Variants in LPAR2 observed in about 807,000 individuals in gnomAD.
LPAR2 encodes lysophosphatidic acid receptor 2, also known as G protein-coupled receptor.
LPAR2 carries 10 observed loss-of-function variants against 15.6 expected under a neutral mutation model. The ratio of observed to expected loss-of-function variants is 0.64; its 90% CI spans 0.39 to 1.09. The LOEUF (loss-of-function observed/expected upper bound fraction) is 1.09, where lower values mean the gene tolerates loss of function less well. LPAR2 is among the 50% of genes least tolerant of loss of function. The probability of loss-of-function intolerance (pLI) is 0.01; values close to 1 mark genes in which losing one functional copy is unlikely to be tolerated. For synonymous variants in LPAR2, 204 were observed against 207.4 expected (o/e 0.98, Z 0.14); for missense variants, 413 against 484.6 (o/e 0.85, Z 1.39).
chr19:19,626,754 G>T lies in LPAR2; in HGVS notation c.531C>A (p.Arg177=). ...TGAGCAGGGGTGCCATGCGTGAGCA[G>T]CGGTCCAGGGCACAGAGGCAGTGCC... is the stretch of plus-strand genomic sequence containing the variant. The change falls in exon 2 of 3, where the codon CGC becomes CGA. Residue 177 remains arginine (R), a synonymous_variant. Transcript: ENST00000407877. This position sits in a 1 kb window ranked among gnomAD's most constrained non-coding sequence, Gnocchi z 5.3. 6.2e-7 allele frequency: 1 copy of T among 1,612,204 alleles called. No individual in the cohort carries two copies. Among genetic ancestry groups the T allele is most frequent in the Non-Finnish European group, 8.5e-7 (1 of 1,179,448 alleles).
chr19:19,624,063 G>C lies in LPAR2; in HGVS notation c.*193C>G. 1 of 628,622 alleles carries C rather than the reference G, an allele frequency of 1.6e-6. No individual in the cohort carries two copies. 38.9% of individuals were successfully genotyped at this position (628,622 alleles called of 1,614,324 possible). On this transcript the variant is annotated 3_prime_UTR_variant, in exon 3 of 3. Transcript: ENST00000407877. ...ACCCCATCTGACTCCCCCAGGCAGT[G>C]GGAGATGACCCAAAGCCCCCATTCC...
chr19:19,627,175 G>A lies in LPAR2; in HGVS notation c.110C>T (p.Ala37Val). The change falls in exon 2 of 3, where the codon GCA becomes GTA. Residue 37 changes from alanine to valine, a missense_variant. Transcript: ENST00000407877. The surrounding 1 kb of genome is among the most constrained non-coding windows in gnomAD (Gnocchi z 4.7). ...CAGCACGCTGACGGTCAGCCCCAGT[G>A]CCACCACGACCACATCCTTGGGCCG... 1 of 1,613,196 alleles carries A rather than the reference G, an allele frequency of 6.2e-7. No homozygotes were observed. Among genetic ancestry groups the A allele is most frequent in the African/African-American group, 1.3e-5 (1 of 75,060 alleles).
Position 19,627,571 on chromosome 19 carries a change from G to T in LPAR2, c.1-287C>A, listed in dbSNP as rs899234134. On this transcript the variant is annotated intron_variant, in intron 1 of 2. Coordinates refer to ENST00000407877, the MANE Select transcript of LPAR2 (RefSeq NM_004720.7). This position sits in a 1 kb window ranked among gnomAD's most constrained non-coding sequence, Gnocchi z 4.7. ...AGAAGTGAAACAAAACCCATCTATG[G>T]TCGAATCCCAGCCCACCTGCCGCCA... is the stretch of plus-strand genomic sequence containing the variant. The T allele has an allele frequency of 3.8e-5, 15 of 399,660 alleles. No individual in the cohort carries two copies. The highest frequency in any genetic ancestry group is 6.5e-5 in the Non-Finnish European group (14 of 216,690). The allele number at this position is 399,660 out of a possible 1,614,324, so 24.8% of individuals were successfully genotyped here.
chr19:19,627,001 C>G lies in LPAR2; in HGVS notation c.284G>C (p.Arg95Pro). Residue 95 changes from arginine to proline, a missense_variant, in exon 2 of 3, where the codon CGC becomes CCC. Arg to Pro is a moderately radical substitution (Grantham distance 103). Coordinates refer to ENST00000407877, the MANE Select transcript of LPAR2 (RefSeq NM_004720.7). This position sits in a 1 kb window ranked among gnomAD's most constrained non-coding sequence, Gnocchi z 4.7. ...GCCCTCAAGTGAAAGTCGGGCTGTG[C>G]GGGGACCAGTGTGGAACATGAGGAA... is the stretch of plus-strand genomic sequence containing the variant. 1.2e-6 allele frequency: 2 copies of G among 1,613,490 alleles called. No homozygotes were observed. The highest frequency in any genetic ancestry group is 1.7e-6 in the Non-Finnish European group (2 of 1,179,888).
Position 19,624,432 on chromosome 19 carries a change from C to T in LPAR2, c.880G>A (p.Val294Met). Residue 294 changes from valine to methionine, a missense_variant, in exon 3 of 3, where the codon GTG becomes ATG. Coordinates refer to ENST00000407877, the MANE Select transcript of LPAR2 (RefSeq NM_004720.7). ...ATCTCAGCATCTCGGCAAGAGTACA[C>T]AGCAGCATTGACCAGGGAGTTGGCC... 3 of 1,614,190 alleles carry T rather than the reference C, an allele frequency of 1.9e-6. No individual in the cohort carries two copies. The highest frequency in any genetic ancestry group is 2.5e-6 in the Non-Finnish European group (3 of 1,180,032).
Position 19,624,369 on chromosome 19 carries a change from G to A in LPAR2, c.943C>T (p.Leu315Phe). 26 of 1,614,226 alleles carry A rather than the reference G, an allele frequency of 1.6e-5. No homozygotes were observed. The highest frequency in any genetic ancestry group is 2.1e-5 in the Non-Finnish European group (25 of 1,180,046). The change falls in exon 3 of 3, where the codon CTC becomes TTC. Residue 315 changes from leucine to phenylalanine, a missense_variant. Leu to Phe is a conservative substitution (Grantham distance 22, BLOSUM62 0). Transcript: ENST00000407877. Reference sequence around the variant, plus strand: ...ACAGACTCGCGGGTGGACTGGCGGAGGCACGCGCAGCAGAGAAGGCGGCGG... The same window carrying A: ...ACAGACTCGCGGGTGGACTGGCGGAAGCACGCGCAGCAGAGAAGGCGGCGG...
chr19:19,625,177 CACG>C (rs2061733849), intron 2 of LPAR2, among the ~76,000 whole-genome samples: 1 of 151,898 alleles, frequency 6.6e-6, no homozygotes, highest in Non-Finnish European at 1.5e-5. Context: ...AGTGCAGTGG[CACG>C]ATCACACCTC....
Position 19,626,572 on chromosome 19 carries a change from C to A in LPAR2, c.713G>T (p.Ser238Ile). ...GATGATGACAACAGTCTTGACCAGGCTGAGCGTGGTCTCTCGGTAGCGGGG... is the reference window on the plus strand; with the variant it reads ...GATGATGACAACAGTCTTGACCAGGATGAGCGTGGTCTCTCGGTAGCGGGG... The change falls in exon 2 of 3, where the codon AGC (serine) becomes ATC (isoleucine). Residue 238 changes from serine to isoleucine, a missense_variant. Transcript: ENST00000407877. This position sits in a 1 kb window ranked among gnomAD's most constrained non-coding sequence, Gnocchi z 5.3. 6.2e-7 allele frequency: 1 copy of A among 1,610,920 alleles called. No homozygotes were observed. The highest frequency in any genetic ancestry group is 1.1e-5 in the South Asian group (1 of 90,730).
chr19:19,627,334 G>A lies in LPAR2; in HGVS notation c.1-50C>T, dbSNP rs1369148224. ...TGTGGCACTTCTTGGAAGGACACAG[G>A]GAGGGGCGGCAGCTGCAGAGGAGGG... On this transcript the variant is annotated intron_variant, in intron 1 of 2. Transcript: ENST00000407877. The surrounding 1 kb of genome is among the most constrained non-coding windows in gnomAD (Gnocchi z 4.7). 9.0e-6 allele frequency: 14 copies of A among 1,556,624 alleles called. No homozygotes were observed. Among genetic ancestry groups the A allele is most frequent in the Middle Eastern group, 1.7e-4 (1 of 5,858 alleles).
At position 19,626,642 on chromosome 19, in the gene LPAR2, C is replaced by T. The variant is rs745620686; in HGVS notation, c.643G>A (p.Val215Met). ...GCCATGCGCTGCACTCGCCGCCGCA[C>T]GTAGAAGAAAATGCGGGTGTACACA... is the stretch of plus-strand genomic sequence containing the variant. The change falls in exon 2 of 3, where the codon GTG (valine) becomes ATG (methionine). Residue 215 changes from valine to methionine, a missense_variant. Transcript: ENST00000407877. This position sits in a 1 kb window ranked among gnomAD's most constrained non-coding sequence, Gnocchi z 5.3. 5.0e-6 allele frequency: 8 copies of T among 1,613,376 alleles called. No homozygotes were observed. In the East Asian group the frequency reaches 1.1e-4, roughly 22 times the overall value.
rs1218447283 is a variant in LPAR2, at chr19:19,623,933, A to G, written c.*323T>C. 24 of 340,186 alleles carry G rather than the reference A, an allele frequency of 7.1e-5. No homozygotes were observed. The highest frequency in any genetic ancestry group is 9.3e-5 in the Non-Finnish European group (17 of 183,534). 21.1% of individuals were successfully genotyped at this position (340,186 alleles called of 1,614,324 possible). A position where few individuals can be genotyped will look rare whatever the true frequency, so the allele number is the denominator to read the frequency against. ...CACCTTAAAACCCTCAGCATCACAC[A>G]GCAGGAACCAGTCCACAGGGCTTAC... On this transcript the variant is annotated 3_prime_UTR_variant, in exon 3 of 3. Coordinates refer to ENST00000407877, the MANE Select transcript of LPAR2 (RefSeq NM_004720.7).
Position 19,626,448 on chromosome 19 carries a change from T to A in LPAR2, c.742+95A>T, listed in dbSNP as rs2061740156. 6.9e-7 allele frequency: 1 copy of A among 1,443,506 alleles called. No homozygotes were observed. Among genetic ancestry groups the A allele is most frequent in the Non-Finnish European group, 9.4e-7 (1 of 1,066,756 alleles). The allele number at this position is 1,443,506 out of a possible 1,614,324, so 89.4% of individuals were successfully genotyped here. On this transcript the variant is annotated intron_variant, in intron 2 of 2. Coordinates refer to ENST00000407877, the MANE Select transcript of LPAR2 (RefSeq NM_004720.7). This position sits in a 1 kb window ranked among gnomAD's most constrained non-coding sequence, Gnocchi z 5.3. ...CCACCTAAATCATCCCCCATCACCC[T>A]CTATCAGGTAGCTTGTTTTGTTCAT...
intron 2 of LPAR2, among the ~76,000 whole-genome samples, chr19:19,625,808 T>A (rs1599393215): frequency 6.9e-6 from 1 of 144,844 alleles, no homozygotes; most frequent in African/African-American, 2.5e-5. Flanking sequence ...AAATTAAAAA[T>A]ACATATAGAT....
chr19:19,624,664 G>A (rs1312692119), intron 2 of LPAR2, 95 bp from the exon 3 acceptor site: 3 of 1,000,716 alleles, frequency 3.0e-6, no homozygotes, highest in Middle Eastern at 2.2e-4. Context: ...CAGAGCTCGA[G>A]CAATAGTGGT....
At position 19,627,569 on chromosome 19, in the gene LPAR2, T is replaced by G; in HGVS notation, c.1-285A>C. The G allele has an allele frequency of 2.5e-6, 1 of 400,884 alleles. No individual in the cohort carries two copies. Among genetic ancestry groups the G allele is most frequent in the Non-Finnish European group, 4.6e-6 (1 of 217,228 alleles). The allele number at this position is 400,884 out of a possible 1,614,324, so 24.8% of individuals were successfully genotyped here. A position where few individuals can be genotyped will look rare whatever the true frequency, so the allele number is the denominator to read the frequency against. ...CCAGAAGTGAAACAAAACCCATCTA[T>G]GGTCGAATCCCAGCCCACCTGCCGC... On this transcript the variant is annotated intron_variant, in intron 1 of 2. Coordinates refer to ENST00000407877, the MANE Select transcript of LPAR2 (RefSeq NM_004720.7). This position sits in a 1 kb window ranked among gnomAD's most constrained non-coding sequence, Gnocchi z 4.7.
In LPAR2 at chr19:19,626,879, C is replaced by G; in HGVS notation, c.406G>C (p.Val136Leu). 1 of 1,595,920 alleles carries G rather than the reference C, an allele frequency of 6.3e-7. No homozygotes were observed. The highest frequency in any genetic ancestry group is 8.5e-7 in the Non-Finnish European group (1 of 1,172,098). ...CGGGGCAGGCGGCTGTGCAGCTGCACGGCCATCACACTGCGGTGCCGCTCC... is the reference window on the plus strand; with the variant it reads ...CGGGGCAGGCGGCTGTGCAGCTGCAGGGCCATCACACTGCGGTGCCGCTCC... The change falls in exon 2 of 3, where the codon GTG (valine) becomes CTG (leucine). Residue 136 changes from valine to leucine, a missense_variant. Physicochemically the swap from Val to Leu is conservative, Grantham distance 32. Coordinates refer to ENST00000407877, the MANE Select transcript of LPAR2 (RefSeq NM_004720.7). This position sits in a 1 kb window ranked among gnomAD's most constrained non-coding sequence, Gnocchi z 5.3.
At position 19,627,312 on chromosome 19, in the gene LPAR2, G is replaced by T; in HGVS notation, c.1-28C>A. 2 of 1,579,108 alleles carry T rather than the reference G, an allele frequency of 1.3e-6. No homozygotes were observed. Among genetic ancestry groups the T allele is most frequent in the African/African-American group, 1.3e-5 (1 of 74,656 alleles). ...GGGGACACAAGAGATCAGTGCATGTGGCACTTCTTGGAAGGACACAGGGAG... is the reference window on the plus strand; with the variant it reads ...GGGGACACAAGAGATCAGTGCATGTTGCACTTCTTGGAAGGACACAGGGAG... On this transcript the variant is annotated intron_variant, in intron 1 of 2. Transcript: ENST00000407877. This position sits in a 1 kb window ranked among gnomAD's most constrained non-coding sequence, Gnocchi z 4.7.
Position 19,623,873 on chromosome 19 carries a change from G to A in LPAR2, c.*383C>T, listed in dbSNP as rs145533115. ...TCTGTCCTCATTACCCAGTCATACC[G>A]GGTAGCATGGCCCGAGAGAGCCCTT... On this transcript the variant is annotated 3_prime_UTR_variant, in exon 3 of 3. Coordinates refer to ENST00000407877, the MANE Select transcript of LPAR2 (RefSeq NM_004720.7). 10 of 212,602 alleles carry A rather than the reference G, an allele frequency of 4.7e-5. No individual in the cohort carries two copies. The highest frequency in any genetic ancestry group is 4.4e-4 in the East Asian group (4 of 8,996). The allele number at this position is 212,602 out of a possible 1,614,324, so 13.2% of individuals were successfully genotyped here. A position where few individuals can be genotyped will look rare whatever the true frequency, so the allele number is the denominator to read the frequency against.
chr19:19,625,298 G>A (rs1207459047), intron 2 of LPAR2, among the ~76,000 whole-genome samples: 2 of 151,738 alleles, frequency 1.3e-5, no homozygotes, highest in East Asian at 3.9e-4. Flanking sequence ...GTGAGACCTC[G>A]TTTCTACAAA....
Sources: allele counts gnomAD v4.1 joint callset (sites outside exome capture counted in the v4.1 genomes callset), GRCh38; gene constraint gnomAD v4.1.1; non-coding constraint Gnocchi (gnomAD v3.1); transcripts MANE v1.5; gene names NCBI Gene and HGNC (gene_info 2026-07-23, HGNC 2026-07-21).